CCDC170: variants seen among roughly 807,000 people sequenced by gnomAD.
CCDC170 encodes the protein coiled-coil domain-containing protein 170.
In CCDC170, 69 loss-of-function variants were observed where a neutral mutation model predicts 72.6. That is an observed-to-expected ratio of 0.95 (90% CI 0.78 to 1.16). The LOEUF is 1.16. CCDC170 is among the 50% of genes most tolerant of loss of function. The probability of loss-of-function intolerance (pLI) is 0.00; values close to 1 mark genes in which losing one functional copy is unlikely to be tolerated. For missense variants in CCDC170, 852 were observed against 832.5 expected, an observed-to-expected ratio of 1.02 and a Z score of -0.29; for synonymous variants, 300 against 303.9, an observed-to-expected ratio of 0.99 and a Z score of 0.13.
At chr6:151,580,706 G>A (rs947591165) in intron 6 of CCDC170, among the ~76,000 whole-genome samples, 5 of 152,146 alleles carry the variant, frequency 3.3e-5, no homozygotes, top group African/African-American at 4.8e-5. Flanking sequence ...TTAATTGAAT[G>A]TCTGGAAGCT....
At chr6:151,579,444 G>A (rs9479078) in intron 6 of CCDC170, among the ~76,000 whole-genome samples, 65,591 of 152,142 alleles carry the variant, frequency 0.43, 17,563 homozygotes, top group Non-Finnish European at 0.6. Context: ...CTGATAGAGT[G>A]CAGGAGGGCT....
chr6:151,583,844 G>A (rs886575880), intron 6 of CCDC170, among the ~76,000 whole-genome samples: 2 of 152,188 alleles, frequency 1.3e-5, no homozygotes, highest in African/African-American at 4.8e-5. Context: ...TCAGGAAATA[G>A]GGAGGCCCAA....
intron 4 of CCDC170, among the ~76,000 whole-genome samples, chr6:151,547,802 C>T (rs1782800953): frequency 6.6e-6 from 1 of 152,170 alleles, no homozygotes; most frequent in Admixed American, 6.5e-5. Flanking sequence ...GAGCAAAAGC[C>T]CTGCTAATCT....
At position 151,548,486 on chromosome 6, in the gene CCDC170, C is replaced by T. The variant is rs767964570; in HGVS notation, c.771C>T (p.Asn257=). 3.8e-6 allele frequency: 6 copies of T among 1,574,528 alleles called. No homozygotes were observed. The highest frequency in any genetic ancestry group is 4.3e-6 in the Non-Finnish European group (5 of 1,162,858). The change falls in exon 5 of 11, where the codon AAC becomes AAT. Residue 257 remains asparagine (N), a synonymous_variant. Coordinates refer to ENST00000239374, the MANE Select transcript of CCDC170 (RefSeq NM_025059.4). ...GTACTGAAGAGAAAGAGAAGCTGAA[C>T]CAGGTATGATATGTGAAGTATACGT... ...ASCTEEKEKL[N]QDLLSAVEAK... is the part of the protein sequence containing the mutation.
intron 6 of CCDC170, among the ~76,000 whole-genome samples, chr6:151,575,431 CAAAAAAAA>C (rs537055596): frequency 1.1e-5 from 1 of 91,748 alleles, no homozygotes; most frequent in Non-Finnish European, 2.3e-5. Context: ...AGACTCTGTC[CAAAAAAAA>C]AAAAAAAATT....
intron 1 of CCDC170, among the ~76,000 whole-genome samples, chr6:151,500,635 T>G (rs1423105583): frequency 1.3e-5 from 2 of 152,122 alleles, no homozygotes; most frequent in Non-Finnish European, 2.9e-5. Flanking sequence ...TTGGCTATAT[T>G]AATATTATGC....
At chr6:151,616,711 T>G (rs77703712) in intron 10 of CCDC170, among the ~76,000 whole-genome samples, 7,487 of 152,182 alleles carry the variant, frequency 0.049, 562 homozygotes, top group African/African-American at 0.17. Flanking sequence ...AATAGAAATC[T>G]CTTTCTCACA....
chr6:151,546,011 C>G (rs1268889009), intron 4 of CCDC170, among the ~76,000 whole-genome samples: 2 of 152,006 alleles, frequency 1.3e-5, no homozygotes, highest in East Asian at 1.9e-4. Flanking sequence ...CTCCTGGGCT[C>G]AAGCGGTTCT....
chr6:151,550,722 G>C (rs1782864899), intron 5 of CCDC170, among the ~76,000 whole-genome samples: 1 of 152,140 alleles, frequency 6.6e-6, no homozygotes, highest in Non-Finnish European at 1.5e-5. Context: ...GTCAGGTTCT[G>C]GTGAGGGCCC....
At chr6:151,551,862 G>A (rs1339441725) in intron 5 of CCDC170, among the ~76,000 whole-genome samples, 1 of 152,062 alleles carries the variant, frequency 6.6e-6, no homozygotes, top group Non-Finnish European at 1.5e-5. Context: ...GATAATCAGT[G>A]TTTGTTGTTT....
intron 1 of CCDC170, among the ~76,000 whole-genome samples, chr6:151,524,515 A>G (rs550299967): frequency 6.6e-6 from 1 of 152,366 alleles, no homozygotes; most frequent in Admixed American, 6.5e-5. Flanking sequence ...TGTAAAACTG[A>G]AAACCTAATA....
At chr6:151,522,249 G>A (rs1782330672) in intron 1 of CCDC170, among the ~76,000 whole-genome samples, 1 of 152,112 alleles carries the variant, frequency 6.6e-6, no homozygotes, top group Non-Finnish European at 1.5e-5. Flanking sequence ...TTTATTGCAA[G>A]GCCTTGTAGA....
intron 3 of CCDC170, among the ~76,000 whole-genome samples, chr6:151,538,983 C>T (rs926148816): frequency 1.3e-5 from 2 of 152,068 alleles, no homozygotes; most frequent in Non-Finnish European, 2.9e-5. Context: ...TATGTATGGC[C>T]GGGCATGGCG....
chr6:151,584,465 A>G (rs1776424684), intron 6 of CCDC170, among the ~76,000 whole-genome samples: 1 of 152,262 alleles, frequency 6.6e-6, no homozygotes. Context: ...TTCAAACGGC[A>G]TGAGAATAAT....
Position 151,618,251 on chromosome 6 carries a change from T to C in CCDC170, c.*104T>C, listed in dbSNP as rs1005033708. ...ATTTGATCAGTTTGTGAATATTTTA[T>C]GCTTTGATGATATAGTGAGAATGCA... is the stretch of plus-strand genomic sequence containing the variant. On this transcript the variant is annotated 3_prime_UTR_variant, in exon 11 of 11. Transcript: ENST00000239374. 7 of 1,040,160 alleles carry C rather than the reference T, an allele frequency of 6.7e-6. No individual in the cohort carries two copies. Among genetic ancestry groups the C allele is most frequent in the East Asian group, 2.5e-5 (1 of 40,566 alleles). 64.4% of individuals were successfully genotyped at this position (1,040,160 alleles called of 1,614,324 possible). A position where few individuals can be genotyped will look rare whatever the true frequency, so the allele number is the denominator to read the frequency against.
chr6:151,590,692 A>G (rs567177842), intron 7 of CCDC170, among the ~76,000 whole-genome samples: 2 of 152,346 alleles, frequency 1.3e-5, no homozygotes, highest in South Asian at 4.1e-4. Flanking sequence ...AGTAACCTTA[A>G]TCTTTTGAAA....
chr6:151,571,837 C>T (rs1776223699), intron 5 of CCDC170, among the ~76,000 whole-genome samples: 1 of 152,042 alleles, frequency 6.6e-6, no homozygotes, highest in South Asian at 2.1e-4. Flanking sequence ...TTTTTCTGAA[C>T]CTAATTTCAC....
At chr6:151,531,854 C>A (rs896088718) in intron 1 of CCDC170, among the ~76,000 whole-genome samples, 1 of 152,156 alleles carries the variant, frequency 6.6e-6, no homozygotes, top group Non-Finnish European at 1.5e-5. Flanking sequence ...ATAAAACCAT[C>A]AGATCTCATG....
rs146123008 is a variant in CCDC170, at chr6:151,572,915, A to T, written c.775-259A>T. Among the ~76,000 whole-genome samples, 338 of 151,898 alleles carry T rather than the reference A, an allele frequency of 2.2e-3. 2 individuals are homozygous for T. In the East Asian group the frequency reaches 0.029, roughly 13 times the overall value. On this transcript the variant is annotated intron_variant, in intron 5 of 10. Coordinates refer to ENST00000239374, the MANE Select transcript of CCDC170 (RefSeq NM_025059.4). Reference sequence around the variant, plus strand: ...TGATCCACCCACCTCAGCCTCCAAAATGCTGGGATTACAGGTGTGAGCCAC... The same window carrying T: ...TGATCCACCCACCTCAGCCTCCAAATTGCTGGGATTACAGGTGTGAGCCAC...
Sources: allele counts gnomAD v4.1 joint callset (sites outside exome capture counted in the v4.1 genomes callset), GRCh38; gene constraint gnomAD v4.1.1; transcripts MANE v1.5; gene names NCBI Gene and HGNC (gene_info 2026-07-23, HGNC 2026-07-21).